Variants in DDX11 observed in about 807,000 individuals in gnomAD.
DDX11 encodes DEAD/H-box helicase 11.
Under a neutral mutation model 125.2 loss-of-function variants are expected in DDX11, and 72 were observed. The observed-to-expected ratio is 0.58, with a 90% CI of 0.48 to 0.70. The LOEUF (loss-of-function observed/expected upper bound fraction) is 0.70. DDX11 is among the 30% of genes least tolerant of loss of function. The pLI is 0.00. For synonymous variants in DDX11, 347 were observed against 452.6 expected (o/e 0.77, Z 2.96); for missense variants, 883 against 1,165.0 (o/e 0.76, Z 3.52).
intron 12 of DDX11, 77 bp from the exon 13 acceptor site, chr12:31,094,513 G>A (rs1944871106): frequency 6.7e-7 from 1 of 1,501,402 alleles, no homozygotes; most frequent in Admixed American, 2.0e-5. Context: ...GATGTGCAGT[G>A]TGGAGGGAGA....
rs371996653 is a variant in DDX11, at chr12:31,093,237, C to A, written c.1290-8C>A. On this transcript the variant is annotated splice_polypyrimidine_tract_variant and splice_region_variant and intron_variant, in intron 11 of 26. Transcript: ENST00000542838. The stretch of plus-strand genomic sequence containing the variant: ...ACCACCACTTAATGTCCGTTGGCTT[C>A]TTCTCAGGAAGCGTTTGAAGGCCAA... The A allele has an allele frequency of 4.3e-5, 70 of 1,611,544 alleles. No individual in the cohort carries two copies. Among genetic ancestry groups the A allele is most frequent in the Non-Finnish European group, 5.5e-5 (65 of 1,178,718 alleles).
chr12:31,094,381 C>T, intron 12 of DDX11: 1 of 713,690 alleles, frequency 1.4e-6, no homozygotes, highest in Non-Finnish European at 2.3e-6. Flanking sequence ...GTTCCACGTG[C>T]AAGCACGTGA....
At position 31,083,942 on chromosome 12, in the gene DDX11, C is replaced by G. The variant is rs1942522670; in HGVS notation, c.274C>G (p.Leu92Val). ...CTTACATGATGAGAAAGATGAATCC[C>G]TGTGTCTGTCTTCTTCCTGCGAAGG... is the stretch of plus-strand genomic sequence containing the variant. ...GPLHDEKDES[L>V]CLSSSCEGAA... Residue 92 changes from leucine to valine, a missense_variant, in exon 3 of 27, where the codon CTG (leucine) becomes GTG (valine). Physicochemically the swap from Leu to Val is conservative, Grantham distance 32. This residue lies in a region of DDX11 where 283 missense variants were observed against 359.6 expected (regional missense o/e 0.79). Coordinates refer to ENST00000542838, the MANE Select transcript of DDX11 (RefSeq NM_030653.4). 5.0e-6 allele frequency: 8 copies of G among 1,613,856 alleles called. No homozygotes were observed. The highest frequency in any genetic ancestry group is 1.6e-4 in the Middle Eastern group (1 of 6,078).
chr12:31,102,507 C>T lies in DDX11; in HGVS notation c.2352C>T (p.Asn784=), dbSNP rs1441390541. ...VVGGKMSEGI[N]FSDNLGRCVV... ...GAGGAAAGATGAGTGAAGGGATCAACTTCTCTGACAACCTAGGCCGGTAAG... is the reference window on the plus strand; with the variant it reads ...GAGGAAAGATGAGTGAAGGGATCAATTTCTCTGACAACCTAGGCCGGTAAG... Residue 784 remains asparagine (N), a synonymous_variant, in exon 23 of 27, where the codon AAC becomes AAT. Transcript: ENST00000542838. 4.3e-6 allele frequency: 7 copies of T among 1,613,884 alleles called. No homozygotes were observed. In the South Asian group the frequency reaches 7.7e-5, roughly 18 times the overall value.
intron 9 of DDX11, 181 bp from the exon 10 acceptor site, chr12:31,091,538 G>A: frequency 1.6e-6 from 1 of 620,728 alleles, no homozygotes. Flanking sequence ...TGTGTTTCAT[G>A]TATTGGCTTT....
Position 31,092,847 on chromosome 12 carries a change from T to A in DDX11, c.1244T>A (p.Leu415His). The change falls in exon 11 of 27, where the codon CTC (leucine) becomes CAC (histidine). Residue 415 changes from leucine (L) to histidine (H), a missense_variant and splice_region_variant. Transcript: ENST00000542838. ...GCCTGGTTTGTGTTCTTTCCCCAGCTCTGCCAGGCCCATTCCCAGCTGCTG... is the reference window on the plus strand; with the variant it reads ...GCCTGGTTTGTGTTCTTTCCCCAGCACTGCCAGGCCCATTCCCAGCTGCTG... Reference protein sequence around the residue: ...MHSVEVSGSQLCQAHSQLLQY... With the variant: ...MHSVEVSGSQHCQAHSQLLQY... 1 of 1,613,992 alleles carries A rather than the reference T, an allele frequency of 6.2e-7. No individual in the cohort carries two copies. Among genetic ancestry groups the A allele is most frequent in the Non-Finnish European group, 8.5e-7 (1 of 1,179,872 alleles).
At chr12:31,088,202 G>A (rs1397881612) in intron 6 of DDX11, among the ~76,000 whole-genome samples, 1 of 152,068 alleles carries the variant, frequency 6.6e-6, no homozygotes, top group Admixed American at 6.5e-5. Context: ...CTGGGGTCAG[G>A]GCCTGGGGAG....
intron 5 of DDX11, among the ~76,000 whole-genome samples, chr12:31,085,777 G>C (rs1000479727): frequency 6.6e-6 from 1 of 152,182 alleles, no homozygotes; most frequent in African/African-American, 2.4e-5. Context: ...GGACATAGAA[G>C]GGAAGAAGAC....
chr12:31,093,720 C>CAAAAAAAAAAAAAAAAAAAA (rs71052461), intron 12 of DDX11: 6 of 55,564 alleles, frequency 1.1e-4, no homozygotes, highest in East Asian at 1.4e-3. Flanking sequence ...GAATCAGTCT[C>CAAAAAAAAAAAAAAAAAAAA]AAAAAAAAAA....
At position 31,101,077 on chromosome 12, in the gene DDX11, ATC is replaced by A. The variant is rs1305087890; in HGVS notation, c.2002_2003del (p.Ser668GlnfsTer26). 1 of 1,613,886 alleles carries A rather than the reference ATC, an allele frequency of 6.2e-7. No individual in the cohort carries two copies. Among genetic ancestry groups the A allele is most frequent in the Non-Finnish European group, 8.5e-7 (1 of 1,180,004 alleles). On this transcript the variant is annotated frameshift_variant, in exon 20 of 27. Coordinates refer to ENST00000542838, the MANE Select transcript of DDX11 (RefSeq NM_030653.4). LOFTEE classifies it high-confidence loss of function. ...NILPLVICSGISNQPLEFTFQ... is the reference protein window; with the variant it reads ...NILPLVICSGXSNQPLEFTFQ... ...CCTGCCCCTCGTCATCTGCAGCGGG[ATC>A]TCCAACCAGCCGCTGGAATTCACGT...
intron 1 of DDX11, among the ~76,000 whole-genome samples, chr12:31,075,015 A>G (rs1376462346): frequency 6.6e-6 from 1 of 152,192 alleles, no homozygotes; most frequent in African/African-American, 2.4e-5. Flanking sequence ...ACTGAAGAAA[A>G]TGAACACGTT....
intron 1 of DDX11, among the ~76,000 whole-genome samples, chr12:31,076,090 G>A (rs1483206959): frequency 1.3e-5 from 2 of 152,186 alleles, no homozygotes; most frequent in Non-Finnish European, 2.9e-5. Flanking sequence ...CCAGTCTCAG[G>A]CTGACCAGTG....
chr12:31,085,947 G>A (rs1048226002), intron 5 of DDX11: 8 of 446,746 alleles, frequency 1.8e-5, no homozygotes, highest in Admixed American at 4.7e-5. Context: ...CACATCTGTC[G>A]GAGGGTAACT....
At chr12:31,080,375 C>T (rs1054466288) in intron 2 of DDX11, among the ~76,000 whole-genome samples, 7 of 152,226 alleles carry the variant, frequency 4.6e-5, no homozygotes, top group African/African-American at 9.6e-5. Context: ...CTCAATCTGC[C>T]GGTTGCCTCC....
intron 6 of DDX11, among the ~76,000 whole-genome samples, chr12:31,088,383 T>G (rs1943548005): frequency 6.6e-6 from 1 of 152,116 alleles, no homozygotes; most frequent in African/African-American, 2.4e-5. Flanking sequence ...GGCTGAAATC[T>G]GGGTGTTTTC....
In DDX11 at chr12:31,102,976, T is replaced by A. The variant is rs936845118; in HGVS notation, c.2413T>A (p.Ser805Thr). ...MVGMPFPNIR[S>T]AELQEKMAYL... is the part of the protein sequence containing the mutation. ...GGGCATGCCCTTCCCCAACATCAGGTCTGCAGAGCTGCAGGAGAAGATGGC... is the reference window on the plus strand; with the variant it reads ...GGGCATGCCCTTCCCCAACATCAGGACTGCAGAGCTGCAGGAGAAGATGGC... The change falls in exon 24 of 27, where the codon TCT becomes ACT. Residue 805 changes from serine (S) to threonine (T), a missense_variant. Physicochemically the swap from Ser to Thr is moderately conservative, Grantham distance 58 (BLOSUM62 1). Coordinates refer to ENST00000542838, the MANE Select transcript of DDX11 (RefSeq NM_030653.4). 1.1e-5 allele frequency: 17 copies of A among 1,613,844 alleles called. No individual in the cohort carries two copies. The highest frequency in any genetic ancestry group is 1.4e-5 in the Non-Finnish European group (16 of 1,179,854).
Position 31,096,920 on chromosome 12 carries a change from G to A in DDX11, c.1692G>A (p.Met564Ile), listed in dbSNP as rs755685762. The change falls in exon 17 of 27, where the codon ATG becomes ATA. Residue 564 changes from methionine (M) to isoleucine (I), a missense_variant. Coordinates refer to ENST00000542838, the MANE Select transcript of DDX11 (RefSeq NM_030653.4). ...CCCTGCGACCAGCTTCTCCACTGAT[G>A]CACATCCAAGGCTTCCTGGCAGCTC... ...ASTLRPASPL[M>I]HIQGFLAALT... 4 of 1,614,164 alleles carry A rather than the reference G, an allele frequency of 2.5e-6. No homozygotes were observed. Among genetic ancestry groups the A allele is most frequent in the Non-Finnish European group, 2.5e-6 (3 of 1,180,036 alleles).
chr12:31,104,449 A>G lies in DDX11; in HGVS notation c.*613A>G, dbSNP rs915063244. On this transcript the variant is annotated 3_prime_UTR_variant, in exon 27 of 27. Transcript: ENST00000542838. ...GCTTCGTGCCAGTTCCTCCAAGTCT[A>G]TGGCACCTCCCTCCCTCTCAACCAC... 2 of 201,042 alleles carry G rather than the reference A, an allele frequency of 9.9e-6. No homozygotes were observed. The highest frequency in any genetic ancestry group is 2.0e-5 in the Non-Finnish European group (2 of 98,092). 12.5% of individuals were successfully genotyped at this position (201,042 alleles called of 1,614,324 possible). A position where few individuals can be genotyped will look rare whatever the true frequency, so the allele number is the denominator to read the frequency against.
intron 5 of DDX11, chr12:31,086,284 C>T (rs1223262669): frequency 9.8e-6 from 4 of 406,874 alleles, no homozygotes; most frequent in Non-Finnish European, 1.5e-5. Context: ...TCTGTTGTTG[C>T]CTCCTCTCCC....
Sources: allele counts gnomAD v4.1 joint callset (sites outside exome capture counted in the v4.1 genomes callset), GRCh38; gene constraint gnomAD v4.1.1; regional missense constraint gnomAD v4.1.1; transcripts MANE v1.5; gene names NCBI Gene and HGNC (gene_info 2026-07-23, HGNC 2026-07-21).